LONP2: variants seen among roughly 807,000 people sequenced by gnomAD.
LONP2 encodes lon protease homolog 2, peroxisomal.
LONP2 carries 60 observed loss-of-function variants against 85.6 expected under a neutral mutation model. That is an observed-to-expected ratio of 0.70 (90% CI 0.57 to 0.87). The LOEUF (loss-of-function observed/expected upper bound fraction) is 0.87. Ranked by LOEUF, LONP2 falls within the 40% of genes least tolerant of loss-of-function variation. The probability of loss-of-function intolerance (pLI) is 0.00; values close to 1 mark genes in which losing one functional copy is unlikely to be tolerated. For synonymous variants in LONP2, 395 were observed against 389.7 expected (o/e 1.01, Z -0.16); for missense variants, 860 against 1,063.5 (o/e 0.81, Z 2.66).
chr16:48,328,626 C>T (rs950444565), intron 11 of LONP2, among the ~76,000 whole-genome samples: 3 of 147,704 alleles, frequency 2.0e-5, no homozygotes, highest in South Asian at 2.1e-4. Flanking sequence ...TGCAGTGAGC[C>T]GAGATCACAC....
chr16:48,269,198 CTGTT>C (rs1972051853), intron 6 of LONP2, among the ~76,000 whole-genome samples: 1 of 147,030 alleles, frequency 6.8e-6, no homozygotes, highest in African/African-American at 2.5e-5. Context: ...TTTACATCAT[CTGTT>C]TTTTTTTTTT....
chr16:48,258,260 T>C (rs926587526), intron 3 of LONP2, among the ~76,000 whole-genome samples: 13 of 150,544 alleles, frequency 8.6e-5, no homozygotes, highest in South Asian at 2.1e-4. Flanking sequence ...GGCAGGAGAA[T>C]GACGTGAACC....
At chr16:48,261,631 G>A in intron 5 of LONP2, 44 bp downstream of exon 5, 1 of 1,402,558 alleles carries the variant, frequency 7.1e-7, no homozygotes. Context: ...TTCATTCTTG[G>A]TACTCCTGAT....
intron 10 of LONP2, 46 bp downstream of exon 10, chr16:48,299,834 A>G: frequency 6.3e-7 from 1 of 1,581,740 alleles, no homozygotes; most frequent in South Asian, 1.2e-5. Context: ...GCAACTTTTG[A>G]GTATTTACTG....
At chr16:48,305,187 G>A (rs1972887942) in intron 11 of LONP2, among the ~76,000 whole-genome samples, 1 of 152,210 alleles carries the variant, frequency 6.6e-6, no homozygotes, top group Non-Finnish European at 1.5e-5. Context: ...TGGAGTAGGA[G>A]TAGAGGTAGT....
chr16:48,264,604 C>G (rs112799261), intron 6 of LONP2, among the ~76,000 whole-genome samples: 2,080 of 152,248 alleles, frequency 0.014, 47 homozygotes, highest in African/African-American at 0.047. Context: ...GTCCTGAGGC[C>G]ACATACATCC....
chr16:48,329,787 G>A (rs973146445), intron 11 of LONP2, among the ~76,000 whole-genome samples: 1 of 152,200 alleles, frequency 6.6e-6, no homozygotes, highest in Non-Finnish European at 1.5e-5. Context: ...AAAACACTTA[G>A]GAAACCATTT....
chr16:48,268,375 A>G (rs1972034200), intron 6 of LONP2, among the ~76,000 whole-genome samples: 1 of 152,158 alleles, frequency 6.6e-6, no homozygotes, highest in African/African-American at 2.4e-5. Context: ...TGTGTTAATC[A>G]TGAATGGATA....
intron 10 of LONP2, among the ~76,000 whole-genome samples, chr16:48,300,051 A>G (rs1184025984): frequency 6.6e-6 from 1 of 152,252 alleles, no homozygotes; most frequent in Non-Finnish European, 1.5e-5. Flanking sequence ...CATTTGGAAT[A>G]TTGTTATAGC....
At chr16:48,305,825 CTT>C (rs1184270728) in intron 11 of LONP2, among the ~76,000 whole-genome samples, 3 of 152,132 alleles carry the variant, frequency 2.0e-5, no homozygotes, top group Non-Finnish European at 2.9e-5. Flanking sequence ...CTGATGTCCT[CTT>C]TGTCATTATT....
intron 2 of LONP2, 56 bp downstream of exon 2, chr16:48,252,421 C>G: frequency 8.6e-7 from 1 of 1,157,364 alleles, no homozygotes; most frequent in East Asian, 2.5e-5. Flanking sequence ...TTTTGCTTTC[C>G]TAAGATATGG....
chr16:48,271,055 C>T (rs1186352132), intron 7 of LONP2, among the ~76,000 whole-genome samples: 1 of 152,030 alleles, frequency 6.6e-6, no homozygotes, highest in Non-Finnish European at 1.5e-5. Flanking sequence ...TGGCATGCAC[C>T]TGTGGTCCCA....
intron 7 of LONP2, among the ~76,000 whole-genome samples, chr16:48,270,969 A>G (rs1245315226): frequency 1.3e-5 from 2 of 152,234 alleles, no homozygotes; most frequent in African/African-American, 2.4e-5. Context: ...TGTCTCTACA[A>G]AATTTATATT....
chr16:48,319,019 A>G (rs1362817874), intron 11 of LONP2, among the ~76,000 whole-genome samples: 1 of 151,604 alleles, frequency 6.6e-6, no homozygotes, highest in East Asian at 1.9e-4. Context: ...TCTGAAACAT[A>G]TCCATTCTCG....
At chr16:48,300,429 A>C (rs1972779557) in intron 10 of LONP2, among the ~76,000 whole-genome samples, 1 of 152,234 alleles carries the variant, frequency 6.6e-6, no homozygotes, top group Admixed American at 6.5e-5. Context: ...GTTTGAATGG[A>C]AAATATACTC....
chr16:48,287,455 A>G (rs1382103670), intron 8 of LONP2, among the ~76,000 whole-genome samples: 1 of 152,234 alleles, frequency 6.6e-6, no homozygotes, highest in Non-Finnish European at 1.5e-5. Context: ...AACAGTTGCC[A>G]CTGGTTGTTT....
At chr16:48,310,747 T>C (rs550494893) in intron 11 of LONP2, among the ~76,000 whole-genome samples, 1 of 152,336 alleles carries the variant, frequency 6.6e-6, no homozygotes, top group East Asian at 1.9e-4. Context: ...TCCTTATTTG[T>C]ATAATTGTTT....
At chr16:48,311,830 C>T (rs1973037265) in intron 11 of LONP2, among the ~76,000 whole-genome samples, 1 of 152,048 alleles carries the variant, frequency 6.6e-6, no homozygotes, top group Non-Finnish European at 1.5e-5. Flanking sequence ...CTGTGTTGCC[C>T]AGGCTAGTCT....
intron 8 of LONP2, among the ~76,000 whole-genome samples, chr16:48,288,488 A>G (rs566138560): frequency 6.6e-5 from 10 of 152,240 alleles, no homozygotes; most frequent in African/African-American, 1.9e-4. Context: ...AGACTGCCAT[A>G]ACAAAATACC....
Sources: allele counts gnomAD v4.1 joint callset (sites outside exome capture counted in the v4.1 genomes callset), GRCh38; gene constraint gnomAD v4.1.1; transcripts MANE v1.5; gene names NCBI Gene and HGNC (gene_info 2026-07-23, HGNC 2026-07-21).